FASN: variants seen among roughly 807,000 people sequenced by gnomAD.
FASN encodes 3-hydroxyacyl-[acyl-carrier-protein] dehydratase.
FASN carries 50 observed loss-of-function variants against 250.0 expected under a neutral mutation model. That is an observed-to-expected ratio of 0.20 (90% CI 0.16 to 0.25). FASN has a LOEUF of 0.25. Among genes scored for constraint, FASN ranks in the 10% least tolerant of loss-of-function variants. The pLI, the probability that FASN is intolerant of heterozygous loss-of-function variation, is 1.00. For missense variants in FASN, 3,031 were observed against 3,498.5 expected, an observed-to-expected ratio of 0.87 and a Z score of 3.37; for synonymous variants, 1,909 against 1,584.0, an observed-to-expected ratio of 1.21 and a Z score of -4.87.
rs749083588 is a variant in FASN at position 82,087,868 on chromosome 17, A to C, written c.2867-7T>G. On this transcript the variant is annotated splice_polypyrimidine_tract_variant and splice_region_variant and intron_variant, in intron 18 of 42. Transcript: ENST00000306749. ...TCCCACTGGTACACCTTCCCTGTGGAAAGGGAGGTGCGGAAGGGCCTGAGG... is the reference window on the plus strand; with the variant it reads ...TCCCACTGGTACACCTTCCCTGTGGCAAGGGAGGTGCGGAAGGGCCTGAGG... 1.2e-6 allele frequency: 2 copies of C among 1,612,428 alleles called. No homozygotes were observed. Among genetic ancestry groups the C allele is most frequent in the Non-Finnish European group, 1.7e-6 (2 of 1,179,854 alleles).
chr17:82,082,984 C>T lies in FASN; in HGVS notation c.5697G>A (p.Glu1899=), dbSNP rs1295975460. 1.2e-6 allele frequency: 2 copies of T among 1,612,952 alleles called. No individual in the cohort carries two copies. Among genetic ancestry groups the T allele is most frequent in the African/African-American group, 1.3e-5 (1 of 75,056 alleles). ...CACGCTGTATCAGCCACTGCGCCAA[C>T]TCCAGGCCGAAGCCACCCAGACCAC... The part of the protein sequence containing the change: ...IAGGLGGFGL[E]LAQWLIQRGV... The change falls in exon 33 of 43, where the codon GAG becomes GAA. Residue 1899 remains glutamate (E), a synonymous_variant. Coordinates refer to ENST00000306749, the MANE Select transcript of FASN (RefSeq NM_004104.5).
At chr17:82,095,667 TCTG>T (rs2034291311) in intron 2 of FASN, among the ~76,000 whole-genome samples, 195 bp from the exon 3 acceptor site, 1 of 151,698 alleles carries the variant, frequency 6.6e-6, no homozygotes, top group Admixed American at 6.5e-5. Context: ...TACGACCAGA[TCTG>T]CTGCACAAGC....
chr17:82,086,021 C>A, intron 22 of FASN, 150 bp from the exon 23 acceptor site: 1 of 1,226,426 alleles, frequency 8.2e-7, no homozygotes, highest in Non-Finnish European at 1.1e-6. Context: ...ATGGATGCCA[C>A]TGGTCTTGTC....
chr17:82,087,737 A>G lies in FASN; in HGVS notation c.2991T>C (p.Arg997=), dbSNP rs1445273666. ...GGAAATGAGGGCCGTAGTCGTAGCC[A>G]CGCAGACGCAGCTCCTTGTAAACTT... ...QAEVYKELRL[R]GYDYGPHFQG... Residue 997 remains arginine (R), a synonymous_variant, in exon 19 of 43, where the codon CGT becomes CGC. Coordinates refer to ENST00000306749, the MANE Select transcript of FASN (RefSeq NM_004104.5). The G allele has an allele frequency of 6.2e-7, 1 of 1,612,416 alleles. No individual in the cohort carries two copies.
Position 82,089,398 on chromosome 17 carries a change from G to A in FASN, c.1966-14C>T, listed in dbSNP as rs1568113614. 6.2e-7 allele frequency: 1 copy of A among 1,612,758 alleles called. No individual in the cohort carries two copies. Among genetic ancestry groups the A allele is most frequent in the Non-Finnish European group, 8.5e-7 (1 of 1,179,970 alleles). On this transcript the variant is annotated splice_polypyrimidine_tract_variant and intron_variant, in intron 12 of 42. Coordinates refer to ENST00000306749, the MANE Select transcript of FASN (RefSeq NM_004104.5). ...AAACACCGGGGCCTGGACATCGTGG[G>A]AGCCTGGATAAGCATCCTGGCTGGG...
Position 82,081,247 on chromosome 17 carries a change from T to G in FASN, c.6512A>C (p.Asn2171Thr), listed in dbSNP as rs777691032. 14 of 1,584,572 alleles carry G rather than the reference T, an allele frequency of 8.8e-6. No individual in the cohort carries two copies. The highest frequency in any genetic ancestry group is 2.7e-5 in the African/African-American group (2 of 74,694). Residue 2171 changes from asparagine (N) to threonine (T), a missense_variant, in exon 38 of 43, where the codon AAC becomes ACC. Physicochemically the swap from Asn to Thr is moderately conservative, Grantham distance 65 (BLOSUM62 0). Transcript: ENST00000306749. Reference sequence around the variant, plus strand: ...CACCTCGCGCACGGACAGCACCAGGTTGAGCTCACGCTCCAGCGTCTGGCG... The same window carrying G: ...CACCTCGCGCACGGACAGCACCAGGGTGAGCTCACGCTCCAGCGTCTGGCG... ...EVRQTLEREL[N>T]LVLSVREVRQ... is the part of the protein sequence containing the mutation.
In FASN at chr17:82,085,575, G is replaced by T; in HGVS notation, c.4029C>A (p.Leu1343=). ...GGTGCCCCCGGAGCAGTGTGTGCAG[G>T]AGCAGAAAGCCCCCTTCTCTCAGGG... ...VAALREGGFL[L]LHTLLRGHPL... is the part of the protein sequence containing the mutation. Residue 1343 remains leucine, a synonymous_variant, in exon 23 of 43, where the codon CTC becomes CTA. Coordinates refer to ENST00000306749, the MANE Select transcript of FASN (RefSeq NM_004104.5). 6.3e-7 allele frequency: 1 copy of T among 1,596,652 alleles called. No individual in the cohort carries two copies. The highest frequency in any genetic ancestry group is 1.3e-5 in the African/African-American group (1 of 74,692).
At position 82,079,443 on chromosome 17, in the gene FASN, T is replaced by G; in HGVS notation, c.7312A>C (p.Lys2438Gln). Reference sequence around the variant, plus strand: ...AGTAGCATCACGTTGCCATGGTACTTGGCCTTGGGTGTGTACTGCTCAGCG... The same window carrying G: ...AGTAGCATCACGTTGCCATGGTACTGGGCCTTGGGTGTGTACTGCTCAGCG... Reference protein sequence around the residue: ...RAAEQYTPKAKYHGNVMLLRA... With the variant: ...RAAEQYTPKAQYHGNVMLLRA... The change falls in exon 42 of 43, where the codon AAG becomes CAG. Residue 2438 changes from lysine to glutamine, a missense_variant. By Grantham distance (53) the Lys-to-Gln change is moderately conservative (BLOSUM62 1). Transcript: ENST00000306749. The G allele has an allele frequency of 6.2e-7, 1 of 1,613,028 alleles. No homozygotes were observed. Among genetic ancestry groups the G allele is most frequent in the Non-Finnish European group, 8.5e-7 (1 of 1,179,998 alleles).
chr17:82,079,811 C>T (rs2033955905), intron 41 of FASN: 13 of 714,056 alleles, frequency 1.8e-5, no homozygotes, highest in Non-Finnish European at 2.9e-5. Context: ...TCCACCTACC[C>T]GGTTCAAGCG....
intron 41 of FASN, 31 bp downstream of exon 41, chr17:82,080,109 T>A: frequency 2.5e-6 from 4 of 1,600,686 alleles, no homozygotes; most frequent in Non-Finnish European, 3.4e-6. Context: ...GTACTCTGGG[T>A]CCTGCGGCCT....
Position 82,080,486 on chromosome 17 carries a change from C to A in FASN, c.6931G>T (p.Ala2311Ser), listed in dbSNP as rs866272811. Residue 2311 changes from alanine (A) to serine (S), a missense_variant, in exon 40 of 43, where the codon GCC (alanine) becomes TCC (serine). Physicochemically the swap from Ala to Ser is moderately conservative, Grantham distance 99. Coordinates refer to ENST00000306749, the MANE Select transcript of FASN (RefSeq NM_004104.5). ...GAGCACATTTCAAAGGCCACGCAGGCCCCGTAGGAGTAGCCGGCCACGCGG... is the reference window on the plus strand; with the variant it reads ...GAGCACATTTCAAAGGCCACGCAGGACCCGTAGGAGTAGCCGGCCACGCGG... Reference protein sequence around the residue: ...PYRVAGYSYGACVAFEMCSQL... With the variant: ...PYRVAGYSYGSCVAFEMCSQL... The A allele has an allele frequency of 1.3e-6, 2 of 1,571,340 alleles. No individual in the cohort carries two copies. Among genetic ancestry groups the A allele is most frequent in the Non-Finnish European group, 1.7e-6 (2 of 1,159,280 alleles).
chr17:82,079,723 G>A, intron 41 of FASN, 115 bp from the exon 42 acceptor site: 1 of 1,396,852 alleles, frequency 7.2e-7, no homozygotes, highest in Non-Finnish European at 9.5e-7. Context: ...TGTTACCCAG[G>A]CTAGATGGAG....
Position 82,095,227 on chromosome 17 carries a change from C to G in FASN, c.280+93G>C, listed in dbSNP as rs1365925141. On this transcript the variant is annotated intron_variant, in intron 3 of 42. Transcript: ENST00000306749. ...CCGGGGAGGGTAGGTGGTGCCAGCA[C>G]CTGGTTCTACCAGAACCAAGAAGAG... 3 of 1,469,016 alleles carry G rather than the reference C, an allele frequency of 2.0e-6. No homozygotes were observed. The African/African-American group carries it at 4.1e-5, about 20-fold the overall frequency. The allele number at this position is 1,469,016 out of a possible 1,614,324, so 91.0% of individuals were successfully genotyped here. A position where few individuals can be genotyped will look rare whatever the true frequency, so the allele number is the denominator to read the frequency against.
Position 82,098,122 on chromosome 17 carries a change from T to C in FASN, c.-9A>G, listed in dbSNP as rs1052552864. On this transcript the variant is annotated splice_region_variant and 5_prime_UTR_variant, in exon 1 of 43. Transcript: ENST00000306749. ...GGCCCCAGCGCCGGCTGCTCGTACC[T>C]GGTGAGGGCGCGGGCGGCGGTGCGG... is the stretch of plus-strand genomic sequence containing the variant. The C allele has an allele frequency of 2.9e-6, 1 of 342,122 alleles. No individual in the cohort carries two copies. Among genetic ancestry groups the C allele is most frequent in the East Asian group, 4.4e-5 (1 of 22,842 alleles). 21.2% of individuals were successfully genotyped at this position (342,122 alleles called of 1,614,324 possible). A position where few individuals can be genotyped will look rare whatever the true frequency, so the allele number is the denominator to read the frequency against.
chr17:82,096,303 C>A lies in FASN; in HGVS notation c.127+16G>T, dbSNP rs1568119350. 1.2e-6 allele frequency: 2 copies of A among 1,611,444 alleles called. No homozygotes were observed. The highest frequency in any genetic ancestry group is 2.2e-5 in the South Asian group (2 of 91,080). On this transcript the variant is annotated intron_variant, in intron 2 of 42. Coordinates refer to ENST00000306749, the MANE Select transcript of FASN (RefSeq NM_004104.5). The stretch of plus-strand genomic sequence containing the variant: ...AGCTTCACACCCCAGGCACGGGGAG[C>A]CCCGCAGCCACATACCCGCCTTCCA...
Position 82,093,697 on chromosome 17 carries a change from C to T in FASN, c.355G>A (p.Ala119Thr), listed in dbSNP as rs755362571. 22 of 1,612,652 alleles carry T rather than the reference C, an allele frequency of 1.4e-5. No individual in the cohort carries two copies. The highest frequency in any genetic ancestry group is 5.0e-5 in the Admixed American group (3 of 60,006). ...VGVSGSETSE[A>T]LSRDPETLVG... ...AGTGTCTCGGGGTCTCGGCTCAGGG[C>T]CTCCGAGGTCTCAGAGCCGCTCACG... Residue 119 changes from alanine (A) to threonine (T), a missense_variant, in exon 4 of 43, where the codon GCC becomes ACC. Physicochemically the swap from Ala to Thr is moderately conservative, Grantham distance 58. Transcript: ENST00000306749.
At position 82,091,027 on chromosome 17, in the gene FASN, C is replaced by G; in HGVS notation, c.1535G>C (p.Arg512Pro). The G allele has an allele frequency of 1.9e-6, 3 of 1,612,730 alleles. No individual in the cohort carries two copies. Among genetic ancestry groups the G allele is most frequent in the Non-Finnish European group, 2.5e-6 (3 of 1,179,986 alleles). ...GATGGAATCTCGGAAGCGGTCCAGG[C>G]GCATGAGGCTCAGCCCCATCCCGCG... ...QWRGMGLSLM[R>P]LDRFRDSILR... Residue 512 changes from arginine to proline, a missense_variant, in exon 10 of 43, where the codon CGC becomes CCC. Coordinates refer to ENST00000306749, the MANE Select transcript of FASN (RefSeq NM_004104.5).
Position 82,086,469 on chromosome 17 carries a change from G to A in FASN, c.3517C>T (p.Pro1173Ser), listed in dbSNP as rs1304648300. Residue 1173 changes from proline (P) to serine (S), a missense_variant, in exon 22 of 43, where the codon CCC becomes TCC. Transcript: ENST00000306749. ...AGCCGGGGCAGTTCCTGCTGTGAGG[G>A]GTCCCGGGGGATCTGGGCCCCATCC... is the stretch of plus-strand genomic sequence containing the variant. Reference protein sequence around the residue: ...GLDGAQIPRDPSQQELPRLLS... With the variant: ...GLDGAQIPRDSSQQELPRLLS... 2 of 1,612,338 alleles carry A rather than the reference G, an allele frequency of 1.2e-6. No homozygotes were observed. The highest frequency in any genetic ancestry group is 1.7e-6 in the Non-Finnish European group (2 of 1,179,960).
At chr17:82,096,183 G>A in intron 2 of FASN, 136 bp downstream of exon 2, 1 of 1,395,090 alleles carries the variant, frequency 7.2e-7, no homozygotes, top group African/African-American at 1.4e-5. Context: ...TGGGTGACCA[G>A]TGGCTCTGCA....
Sources: allele counts gnomAD v4.1 joint callset (sites outside exome capture counted in the v4.1 genomes callset), GRCh38; gene constraint gnomAD v4.1.1; transcripts MANE v1.5; gene names NCBI Gene and HGNC (gene_info 2026-07-23, HGNC 2026-07-21).